The following COL17A1 variants were observed in gnomAD, a reference collection of about 807,000 sequenced individuals.
COL17A1 encodes the protein collagen type XVII alpha 1 chain.
Under a neutral mutation model 218.4 loss-of-function variants are expected in COL17A1, and 181 were observed. The ratio of observed to expected loss-of-function variants is 0.83; its 90% CI spans 0.73 to 0.94. The LOEUF is 0.94. Ranked by LOEUF, COL17A1 falls within the 40% of genes least tolerant of loss-of-function variation. COL17A1 has a pLI of 0.00. For synonymous variants in COL17A1, 721 were observed against 731.0 expected (o/e 0.99, Z 0.22); for missense variants, 1,924 against 1,945.9 (o/e 0.99, Z 0.21).
In COL17A1 at chr10:104,064,428, C is replaced by G; in HGVS notation, c.766+10G>C. The stretch of plus-strand genomic sequence containing the variant: ...GGGGTGAGAGAGGGTGTGGGCTGCC[C>G]GCCAGGTACCTGATCCCGCAGAGTA... On this transcript the variant is annotated intron_variant, in intron 10 of 55. Coordinates refer to ENST00000648076, the MANE Select transcript of COL17A1 (RefSeq NM_000494.4). 6 of 1,613,958 alleles carry G rather than the reference C, an allele frequency of 3.7e-6. No homozygotes were observed. Among genetic ancestry groups the G allele is most frequent in the Non-Finnish European group, 5.1e-6 (6 of 1,180,004 alleles).
In COL17A1 at chr10:104,032,976, A is replaced by AGC; in HGVS notation, c.4295-10_4295-9dup. 6.2e-7 allele frequency: 1 copy of AGC among 1,613,434 alleles called. No homozygotes were observed. The highest frequency in any genetic ancestry group is 8.5e-7 in the Non-Finnish European group (1 of 1,179,702). ...CTTGAATGGCTCCATAAGCTGCAAA[A>AGC]GCAAGGAAACACTGGCCTTAGAGTC... On this transcript the variant is annotated splice_polypyrimidine_tract_variant and intron_variant, in intron 53 of 55. Coordinates refer to ENST00000648076, the MANE Select transcript of COL17A1 (RefSeq NM_000494.4).
intron 24 of COL17A1, 126 bp from the exon 25 acceptor site, chr10:104,051,642 C>A: frequency 8.2e-7 from 1 of 1,224,190 alleles, no homozygotes; most frequent in Non-Finnish European, 1.2e-6. Flanking sequence ...GAGTGTATTG[C>A]AGGCCAGGGG....
At chr10:104,051,192 G>T (rs1037986794) in intron 25 of COL17A1, among the ~76,000 whole-genome samples, 3 of 152,168 alleles carry the variant, frequency 2.0e-5, no homozygotes, top group African/African-American at 7.2e-5. Context: ...TGGCCATAGG[G>T]GACAAGAGAG....
chr10:104,074,183 C>T lies in COL17A1; in HGVS notation c.379+1G>A. ...CTTTAGAAAATAAGGAGAGGACATACCAAATTCCTTCCGAGGGTACTCCGG... is the reference window on the plus strand; with the variant it reads ...CTTTAGAAAATAAGGAGAGGACATATCAAATTCCTTCCGAGGGTACTCCGG... On this transcript the variant is annotated splice_donor_variant, in intron 6 of 55. Transcript: ENST00000648076. LOFTEE classifies it high-confidence loss of function. The T allele has an allele frequency of 6.2e-7, 1 of 1,614,158 alleles. No individual in the cohort carries two copies. The highest frequency in any genetic ancestry group is 8.5e-7 in the Non-Finnish European group (1 of 1,180,014).
intron 24 of COL17A1, 46 bp from the exon 25 acceptor site, chr10:104,051,562 G>C (rs1246894167): frequency 6.2e-7 from 1 of 1,612,736 alleles, no homozygotes; most frequent in African/African-American, 1.3e-5. Context: ...GCAGATACAG[G>C]TGGGGACATC....
intron 17 of COL17A1, among the ~76,000 whole-genome samples, 184 bp from the exon 18 acceptor site, chr10:104,056,187 G>C (rs1445257520): frequency 6.6e-6 from 1 of 152,202 alleles, no homozygotes; most frequent in Non-Finnish European, 1.5e-5. Flanking sequence ...CATCACAGCA[G>C]AGCCTTAAAG....
intron 1 of COL17A1, among the ~76,000 whole-genome samples, chr10:104,082,421 C>T (rs971542785): frequency 2.0e-5 from 3 of 152,138 alleles, no homozygotes; most frequent in African/African-American, 7.2e-5. Flanking sequence ...CTCTGACTTT[C>T]TTTTAAAAAA....
chr10:104,043,565 G>A lies in COL17A1; in HGVS notation c.2451C>T (p.Leu817=), dbSNP rs138844452. The A allele has an allele frequency of 2.0e-5, 33 of 1,614,004 alleles. No homozygotes were observed. Among genetic ancestry groups the A allele is most frequent in the Middle Eastern group, 3.3e-4 (2 of 6,062 alleles). The change falls in exon 35 of 56, where the codon CTC becomes CTT. Residue 817 remains leucine, a synonymous_variant. Transcript: ENST00000648076. The part of the protein sequence containing the change: ...KIVTSEGSSM[L]TVPGPPGPPG... ...GAGGTCCTGGGGGGCCTGGGACAGT[G>A]AGCATCGATGACCCCTCTGAAAACA...
rs1431808564 is a variant in COL17A1 at position 104,042,442 on chromosome 10, T to G, written c.2529A>C (p.Pro843=). 6.2e-7 allele frequency: 1 copy of G among 1,614,070 alleles called. No homozygotes were observed. Among genetic ancestry groups the G allele is most frequent in the Admixed American group, 1.7e-5 (1 of 60,000 alleles). ...GPPGAPGPAG[P]AGLPGHQEVL... ...TACCTTGATGTCCTGGGAGACCAGCTGGGCCGGCAGGGCCTGGAAACGGGG... is the reference window on the plus strand; with the variant it reads ...TACCTTGATGTCCTGGGAGACCAGCGGGGCCGGCAGGGCCTGGAAACGGGG... The change falls in exon 36 of 56, where the codon CCA becomes CCC. Residue 843 remains proline, a synonymous_variant. Transcript: ENST00000648076.
rs1341250921 is a variant in COL17A1 at position 104,037,030 on chromosome 10, C to A, written c.3277+15G>T. 1 of 1,599,088 alleles carries A rather than the reference C, an allele frequency of 6.3e-7. No homozygotes were observed. The highest frequency in any genetic ancestry group is 8.5e-7 in the Non-Finnish European group (1 of 1,173,426). On this transcript the variant is annotated intron_variant, in intron 47 of 55. Transcript: ENST00000648076. The stretch of plus-strand genomic sequence containing the variant: ...AAAGATAGTCCCACCCTCGATCCCC[C>A]CACAGGTGACTCACGCTGCAGCACA...
chr10:104,048,210 A>T (rs779751812), intron 29 of COL17A1, 106 bp from the exon 30 acceptor site: 1 of 1,236,104 alleles, frequency 8.1e-7, no homozygotes, highest in Admixed American at 1.7e-5. Context: ...CCAGGAGCCC[A>T]CGCAGCCATC....
At chr10:104,045,162 A>G (rs188150674) in intron 33 of COL17A1, among the ~76,000 whole-genome samples, 1 of 152,146 alleles carries the variant, frequency 6.6e-6, no homozygotes, top group South Asian at 2.1e-4. Context: ...ACTGGACAAG[A>G]GGGTCACTGT....
At chr10:104,062,412 C>A in intron 11 of COL17A1, 83 bp from the exon 12 acceptor site, 2 of 1,573,062 alleles carry the variant, frequency 1.3e-6, no homozygotes, top group African/African-American at 1.3e-5. Context: ...AGTCCCAAAC[C>A]ACTTTCATGA....
chr10:104,054,649 C>T (rs916224227), intron 20 of COL17A1, among the ~76,000 whole-genome samples: 1 of 152,182 alleles, frequency 6.6e-6, no homozygotes, highest in African/African-American at 2.4e-5. Flanking sequence ...CAGTATTCTT[C>T]TGGCTGCAGA....
At chr10:104,042,283 G>A in intron 36 of COL17A1, 137 bp downstream of exon 36, 1 of 877,674 alleles carries the variant, frequency 1.1e-6, no homozygotes, top group Non-Finnish European at 1.8e-6. Flanking sequence ...AGACCCCGGT[G>A]AAGAGCCCTG....
At chr10:104,043,440 C>T in intron 35 of COL17A1, 61 bp downstream of exon 35, 1 of 1,440,348 alleles carries the variant, frequency 6.9e-7, no homozygotes. Flanking sequence ...AGAAATATGG[C>T]TAGAGTCACT....
intron 9 of COL17A1, among the ~76,000 whole-genome samples, chr10:104,066,921 A>G (rs1305226900): frequency 6.6e-6 from 1 of 152,134 alleles, no homozygotes; most frequent in Non-Finnish European, 1.5e-5. Context: ...TACTAAGGTT[A>G]GGAATTTTAA....
At chr10:104,071,706 G>T (rs2086670338) in intron 8 of COL17A1, among the ~76,000 whole-genome samples, 1 of 151,934 alleles carries the variant, frequency 6.6e-6, no homozygotes, top group African/African-American at 2.4e-5. Flanking sequence ...AGTCTTCTCT[G>T]GCCTGATCTC....
rs779264394 is a variant in COL17A1, at chr10:104,033,311, C to T, written c.4221G>A (p.Gln1407=). The change falls in exon 53 of 56, where the codon CAG becomes CAA. Residue 1407 remains glutamine, a synonymous_variant. Coordinates refer to ENST00000648076, the MANE Select transcript of COL17A1 (RefSeq NM_000494.4). ...VQGPPGQPGP[Q]GPPGISKVFS... ...AGACCTTGCTGATGCCGGGTGGCCC[C>T]TGTGGCCCAGGCTGGCCTGGTGGGC... 3.7e-6 allele frequency: 6 copies of T among 1,606,602 alleles called. No homozygotes were observed. In the South Asian group the frequency reaches 4.5e-5, roughly 12 times the overall value.
Sources: allele counts gnomAD v4.1 joint callset (sites outside exome capture counted in the v4.1 genomes callset), GRCh38; gene constraint gnomAD v4.1.1; transcripts MANE v1.5; gene names NCBI Gene and HGNC (gene_info 2026-07-23, HGNC 2026-07-21).